Variants in PLBD2 observed in about 807,000 individuals in gnomAD.
PLBD2 encodes the protein phospholipase B domain containing 2.
In PLBD2, 51 loss-of-function variants were observed where a neutral mutation model predicts 68.3. That is an observed-to-expected ratio of 0.75 (90% confidence interval 0.60 to 0.94). The LOEUF (loss-of-function observed/expected upper bound fraction) is 0.94. Among genes scored for constraint, PLBD2 ranks in the 40% least tolerant of loss-of-function variants. The pLI is 0.00. For missense variants in PLBD2, 729 were observed against 792.2 expected (o/e 0.92, Z 0.96); for synonymous variants, 314 against 339.3 (o/e 0.93, Z 0.82).
At chr12:113,387,164 C>T in intron 10 of PLBD2, 75 bp downstream of exon 10, 1 of 1,473,008 alleles carries the variant, frequency 6.8e-7, no homozygotes. Context: ...GCTTTTTGTA[C>T]CAACTCATTC....
chr12:113,387,711 G>A, intron 10 of PLBD2, 33 bp from the exon 11 acceptor site: 1 of 1,604,198 alleles, frequency 6.2e-7, no homozygotes, highest in Non-Finnish European at 8.5e-7. Flanking sequence ...TCCTTCCTGG[G>A]ATGACTGATG....
chr12:113,358,637 C>A lies in PLBD2; in HGVS notation c.37C>A (p.Leu13Met). Reference protein sequence around the residue: ...GQMYCYPGSHLARALTRALAL... With the variant: ...GQMYCYPGSHMARALTRALAL... Reference sequence around the variant, plus strand: ...GATGTACTGCTACCCCGGCAGCCACCTGGCCCGGGCGCTGACGCGGGCGCT... The same window carrying A: ...GATGTACTGCTACCCCGGCAGCCACATGGCCCGGGCGCTGACGCGGGCGCT... The change falls in exon 1 of 12, where the codon CTG (leucine) becomes ATG (methionine). Residue 13 changes from leucine to methionine, a missense_variant. Transcript: ENST00000280800. The A allele has an allele frequency of 6.8e-7, 1 of 1,465,586 alleles. No homozygotes were observed. Among genetic ancestry groups the A allele is most frequent in the South Asian group, 1.3e-5 (1 of 75,648 alleles). The allele number at this position is 1,465,586 out of a possible 1,614,324, so 90.8% of individuals were successfully genotyped here.
At position 113,384,878 on chromosome 12, in the gene PLBD2, C is replaced by T; in HGVS notation, c.1146C>T (p.Asp382=). 6.2e-7 allele frequency: 1 copy of T among 1,611,274 alleles called. No individual in the cohort carries two copies. The highest frequency in any genetic ancestry group is 8.5e-7 in the Non-Finnish European group (1 of 1,178,284). The change falls in exon 8 of 12, where the codon GAC becomes GAT. Residue 382 remains aspartate, a synonymous_variant. Transcript: ENST00000280800. The surrounding 1 kb of genome is among the most constrained non-coding windows in gnomAD (Gnocchi z 4.2). ...ATAACAACCAGTGGATGATCGTGGA[C>T]TACAAGGCGTTCATCCCGGGTGGGC... ...GTYNNQWMIV[D]YKAFIPGGPS...
intron 1 of PLBD2, among the ~76,000 whole-genome samples, chr12:113,364,685 C>T (rs1957326952): frequency 6.6e-6 from 1 of 152,074 alleles, no homozygotes; most frequent in Non-Finnish European, 1.5e-5. Context: ...TGGTCTCTTA[C>T]TCCTGGTCTC....
chr12:113,377,455 T>G (rs1957445545), intron 5 of PLBD2, among the ~76,000 whole-genome samples: 1 of 152,184 alleles, frequency 6.6e-6, no homozygotes, highest in Non-Finnish European at 1.5e-5. Context: ...TTAAACAGTC[T>G]TGCTCTGTCA....
intron 5 of PLBD2, among the ~76,000 whole-genome samples, chr12:113,379,075 G>A (rs970996771): frequency 2.2e-4 from 33 of 152,242 alleles, no homozygotes; most frequent in Non-Finnish European, 3.8e-4. Flanking sequence ...TTGGGAGGCC[G>A]AGGCTGGTGG....
intron 1 of PLBD2, among the ~76,000 whole-genome samples, chr12:113,364,128 C>T (rs1957320895): frequency 6.6e-6 from 1 of 152,216 alleles, no homozygotes; most frequent in South Asian, 2.1e-4. Flanking sequence ...TGAAGAAGGG[C>T]CTTTATGCCC....
intron 6 of PLBD2, among the ~76,000 whole-genome samples, chr12:113,382,868 T>TGTGG (rs1491184280): frequency 2.4e-5 from 2 of 83,506 alleles, no homozygotes; most frequent in African/African-American, 9.0e-5. Context: ...TGTGTGTGTG[T>TGTGG]TTTTTTTTTT....
At chr12:113,375,227 C>T (rs750514051) in intron 5 of PLBD2, 56 of 560,770 alleles carry the variant, frequency 1.0e-4, no homozygotes, top group Non-Finnish European at 1.5e-4. Flanking sequence ...CTCACTGTAG[C>T]CTTGACTTCC....
chr12:113,373,087 A>G (rs770382105), intron 3 of PLBD2, among the ~76,000 whole-genome samples: 2 of 152,234 alleles, frequency 1.3e-5, no homozygotes, highest in Non-Finnish European at 2.9e-5. Flanking sequence ...TTGTGTACAT[A>G]TGGTGTTTTG....
At chr12:113,387,622 T>G in intron 10 of PLBD2, 122 bp from the exon 11 acceptor site, 1 of 1,090,392 alleles carries the variant, frequency 9.2e-7, no homozygotes, top group South Asian at 1.4e-5. Context: ...TAGTGTGCAG[T>G]GGGAGGGGCT....
chr12:113,379,659 G>A (rs771164152), intron 5 of PLBD2, among the ~76,000 whole-genome samples: 1 of 151,986 alleles, frequency 6.6e-6, no homozygotes, highest in African/African-American at 2.4e-5. Flanking sequence ...TTCTAGGGCA[G>A]GGGTGAGGGT....
Position 113,387,787 on chromosome 12 carries a change from T to G in PLBD2, c.1483T>G (p.Cys495Gly). 1 of 1,614,178 alleles carries G rather than the reference T, an allele frequency of 6.2e-7. No individual in the cohort carries two copies. Among genetic ancestry groups the G allele is most frequent in the Middle Eastern group, 1.6e-4 (1 of 6,062 alleles). ...LHDPLSLCKA[C>G]NPQPNGENAI... ...TGACCCTCTGTCACTGTGCAAAGCCTGCAACCCCCAGCCCAATGGGGAGAA... is the reference window on the plus strand; with the variant it reads ...TGACCCTCTGTCACTGTGCAAAGCCGGCAACCCCCAGCCCAATGGGGAGAA... Residue 495 changes from cysteine (C) to glycine (G), a missense_variant, in exon 11 of 12, where the codon TGC becomes GGC. Cys to Gly is a radical substitution (Grantham distance 159). Coordinates refer to ENST00000280800, the MANE Select transcript of PLBD2 (RefSeq NM_173542.4).
At chr12:113,379,127 G>C (rs1405621276) in intron 5 of PLBD2, among the ~76,000 whole-genome samples, 2 of 152,000 alleles carry the variant, frequency 1.3e-5, no homozygotes, top group African/African-American at 4.8e-5. Context: ...GGCCAATGTG[G>C]TAAAACCATG....
intron 6 of PLBD2, among the ~76,000 whole-genome samples, chr12:113,383,326 G>A (rs569291634): frequency 2.6e-5 from 4 of 152,304 alleles, no homozygotes; most frequent in African/African-American, 4.8e-5. Flanking sequence ...TCATGGGAGC[G>A]GCTCTTTGGG....
intron 1 of PLBD2, among the ~76,000 whole-genome samples, chr12:113,366,052 T>C (rs1434628823): frequency 2.0e-5 from 3 of 152,162 alleles, no homozygotes; most frequent in Non-Finnish European, 2.9e-5. Context: ...ATACCCTCAA[T>C]GTCTGGCAGC....
intron 5 of PLBD2, among the ~76,000 whole-genome samples, chr12:113,376,604 C>A (rs1213384149): frequency 6.6e-6 from 1 of 152,196 alleles, no homozygotes; most frequent in African/African-American, 2.4e-5. Context: ...AGAATTAGAG[C>A]TATTTTTGCA....
intron 6 of PLBD2, among the ~76,000 whole-genome samples, chr12:113,381,856 C>G (rs886967249): frequency 6.6e-6 from 1 of 151,990 alleles, no homozygotes; most frequent in Non-Finnish European, 1.5e-5. Flanking sequence ...GGGTCTCTCT[C>G]TGTCACTCAG....
In PLBD2 at chr12:113,387,017, GC is replaced by G; in HGVS notation, c.1372del (p.Arg458GlyfsTer21). 6.2e-7 allele frequency: 1 copy of G among 1,612,306 alleles called. No homozygotes were observed. The highest frequency in any genetic ancestry group is 8.5e-7 in the Non-Finnish European group (1 of 1,179,302). ...QYGDWFSYDGSPRAQIFRRNQ... is the reference protein window; with the variant it reads ...QYGDWFSYDGXPRAQIFRRNQ... ...GGGGACTGGTTTTCTTATGACGGGA[GC>G]CCCCGGGCCCAGATCTTCCGGCGGA... On this transcript the variant is annotated frameshift_variant, in exon 10 of 12. Coordinates refer to ENST00000280800, the MANE Select transcript of PLBD2 (RefSeq NM_173542.4). LOFTEE classifies it high-confidence loss of function.
Sources: gnomAD v4.1 joint callset for allele counts (sites outside exome capture counted in the v4.1 genomes callset) on GRCh38, gnomAD v4.1.1 for gene constraint, Gnocchi (gnomAD v3.1) non-coding constraint, MANE v1.5 for transcripts, NCBI Gene and HGNC (gene_info 2026-07-23, HGNC 2026-07-21) for gene names.